The following RBKS variants were observed in gnomAD, a reference collection of about 807,000 sequenced individuals.
RBKS encodes the protein ribokinase.
RBKS carries 33 observed loss-of-function variants against 33.9 expected under a neutral mutation model. The observed-to-expected ratio is 0.97, with a 90% CI of 0.74 to 1.30. The LOEUF (loss-of-function observed/expected upper bound fraction) is 1.30. RBKS is among the 50% of genes most tolerant of loss of function. The probability of loss-of-function intolerance (pLI) is 0.00; values close to 1 mark genes in which losing one functional copy is unlikely to be tolerated. For missense variants in RBKS, 361 were observed against 392.6 expected, an observed-to-expected ratio of 0.92 and a Z score of 0.68; for synonymous variants, 125 against 143.0, an observed-to-expected ratio of 0.87 and a Z score of 0.90.
intron 7 of RBKS, among the ~76,000 whole-genome samples, chr2:27,799,809 G>A (rs1242354375): frequency 6.6e-6 from 1 of 152,156 alleles, no homozygotes; most frequent in Non-Finnish European, 1.5e-5. Flanking sequence ...TGCTGAGATG[G>A]CTCATACTTA....
intron 7 of RBKS, among the ~76,000 whole-genome samples, chr2:27,825,697 G>A (rs1485131811): frequency 6.6e-6 from 1 of 152,210 alleles, no homozygotes; most frequent in Non-Finnish European, 1.5e-5. Flanking sequence ...GGGAGCCAGT[G>A]AGCAAGTGAC....
At chr2:27,885,257 T>C (rs1157412944) in intron 1 of RBKS, among the ~76,000 whole-genome samples, 1 of 152,194 alleles carries the variant, frequency 6.6e-6, no homozygotes, top group Non-Finnish European at 1.5e-5. Context: ...CAAGCTACCA[T>C]CATTTCTTGC....
At chr2:27,888,900 C>A (rs140633178) in intron 1 of RBKS, among the ~76,000 whole-genome samples, 4 of 152,204 alleles carry the variant, frequency 2.6e-5, no homozygotes, top group African/African-American at 7.2e-5. Context: ...GATGTACAGG[C>A]CTCTTCAACA....
intron 7 of RBKS, among the ~76,000 whole-genome samples, chr2:27,809,467 G>A (rs1255998493): frequency 1.3e-5 from 2 of 152,194 alleles, no homozygotes; most frequent in Admixed American, 1.3e-4. Context: ...GAATTAAAAA[G>A]GGCCCATTCT....
intron 7 of RBKS, among the ~76,000 whole-genome samples, chr2:27,789,903 G>C (rs1226235242): frequency 7.9e-6 from 1 of 126,764 alleles, no homozygotes; most frequent in Non-Finnish European, 1.6e-5. Flanking sequence ...TGTATAGAGT[G>C]TGTGTGTGTG....
intron 4 of RBKS, among the ~76,000 whole-genome samples, chr2:27,846,712 C>T (rs1409072819): frequency 1.3e-5 from 2 of 152,194 alleles, no homozygotes; most frequent in Admixed American, 1.3e-4. Context: ...CAGATGAATG[C>T]TTGACTGCTT....
chr2:27,802,830 C>T (rs943012160), intron 7 of RBKS, among the ~76,000 whole-genome samples: 81 of 152,128 alleles, frequency 5.3e-4, no homozygotes, highest in African/African-American at 1.8e-3. Flanking sequence ...TGAGAACCCG[C>T]GTGGCATGGC....
chr2:27,827,846 C>G (rs1364886135), intron 6 of RBKS, 91 bp from the exon 7 acceptor site: 4 of 1,151,230 alleles, frequency 3.5e-6, no homozygotes, highest in Non-Finnish European at 4.7e-6. Flanking sequence ...TGTCTCCCTT[C>G]TTTTTTATAA....
chr2:27,815,227 A>G (rs1678064849), intron 7 of RBKS, among the ~76,000 whole-genome samples: 1 of 151,320 alleles, frequency 6.6e-6, no homozygotes, highest in Admixed American at 6.6e-5. Context: ...CCTCTTTTTG[A>G]GACAGGGTCT....
chr2:27,835,860 T>C (rs1019535656), intron 5 of RBKS, among the ~76,000 whole-genome samples: 1 of 152,158 alleles, frequency 6.6e-6, no homozygotes, highest in Admixed American at 6.6e-5. Flanking sequence ...TATAAAAAGC[T>C]GATAGGACTA....
At chr2:27,886,051 C>T (rs1238011431) in intron 1 of RBKS, among the ~76,000 whole-genome samples, 1 of 152,120 alleles carries the variant, frequency 6.6e-6, no homozygotes, top group East Asian at 1.9e-4. Flanking sequence ...TTCCTTGTAT[C>T]TTTGTAATGT....
At chr2:27,790,819 T>G (rs1381290323) in intron 7 of RBKS, among the ~76,000 whole-genome samples, 1 of 152,218 alleles carries the variant, frequency 6.6e-6, no homozygotes, top group Non-Finnish European at 1.5e-5. Context: ...ATTCATTGCT[T>G]GTGGGAATGC....
Position 27,843,247 on chromosome 2 carries a change from A to G in RBKS, c.350-16T>C. ...ATATTCTGGCCTATAAAGAAATTCCACCTATTATATTAAAACTAAACAAAG... is the reference window on the plus strand; with the variant it reads ...ATATTCTGGCCTATAAAGAAATTCCGCCTATTATATTAAAACTAAACAAAG... On this transcript the variant is annotated splice_polypyrimidine_tract_variant and intron_variant, in intron 4 of 7. Transcript: ENST00000302188. The G allele has an allele frequency of 6.3e-7, 1 of 1,587,640 alleles. No individual in the cohort carries two copies. Among genetic ancestry groups the G allele is most frequent in the Non-Finnish European group, 8.6e-7 (1 of 1,164,960 alleles).
At chr2:27,855,858 G>C (rs911440266) in intron 2 of RBKS, among the ~76,000 whole-genome samples, 1 of 152,146 alleles carries the variant, frequency 6.6e-6, no homozygotes, top group Admixed American at 6.5e-5. Context: ...ATTTTAGTTT[G>C]TTATAGGTAG....
intron 2 of RBKS, 130 bp from the exon 3 acceptor site, chr2:27,848,227 T>G: frequency 1.8e-6 from 1 of 555,098 alleles, no homozygotes; most frequent in Non-Finnish European, 3.2e-6. Context: ...CTAATTAATC[T>G]TCTTAATATA....
At chr2:27,801,464 T>TACAC (rs56063622) in intron 7 of RBKS, among the ~76,000 whole-genome samples, 9,125 of 135,958 alleles carry the variant, frequency 0.067, 325 homozygotes, top group South Asian at 0.09. Context: ...GGCCACAGTA[T>TACAC]ACACACACAC....
intron 2 of RBKS, among the ~76,000 whole-genome samples, chr2:27,856,320 T>C (rs1018382059): frequency 1.3e-5 from 2 of 152,178 alleles, no homozygotes; most frequent in Non-Finnish European, 2.9e-5. Flanking sequence ...GGTAGATGTA[T>C]AGAACTTTCA....
intron 7 of RBKS, among the ~76,000 whole-genome samples, chr2:27,826,893 T>C (rs925021582): frequency 6.6e-6 from 1 of 152,164 alleles, no homozygotes; most frequent in African/African-American, 2.4e-5. Context: ...ATGCCTAGTT[T>C]CGAATCTCCA....
intron 7 of RBKS, among the ~76,000 whole-genome samples, chr2:27,822,316 G>A (rs1476376169): frequency 6.6e-6 from 1 of 152,128 alleles, no homozygotes; most frequent in Non-Finnish European, 1.5e-5. Context: ...TCTACTGGTG[G>A]CAGTGACAAG....
Sources: allele counts gnomAD v4.1 joint callset (sites outside exome capture counted in the v4.1 genomes callset), GRCh38; gene constraint gnomAD v4.1.1; transcripts MANE v1.5; gene names NCBI Gene and HGNC (gene_info 2026-07-23, HGNC 2026-07-21).